Variants in ST6GALNAC5 observed in about 807,000 individuals in gnomAD.
ST6GALNAC5 encodes the protein alpha-N-acetylgalactosaminide alpha-2,6-sialyltransferase 5.
Under a neutral mutation model 33.6 loss-of-function variants are expected in ST6GALNAC5, and 27 were observed. That is an observed-to-expected ratio of 0.80 (90% CI 0.59 to 1.11). The LOEUF is 1.11. ST6GALNAC5 is among the 50% of genes least tolerant of loss of function. The pLI is 0.00. For missense variants in ST6GALNAC5, 428 were observed against 454.0 expected (o/e 0.94, Z 0.52); for synonymous variants, 194 against 171.2 (o/e 1.13, Z -1.04).
intron 2 of ST6GALNAC5, among the ~76,000 whole-genome samples, chr1:76,878,277 T>C (rs1447627978): frequency 1.3e-5 from 2 of 152,154 alleles, no homozygotes; most frequent in Non-Finnish European, 2.9e-5. Flanking sequence ...GGAGCCAATG[T>C]AGGGGTTCTG....
chr1:76,889,117 AT>A (rs1306444837), intron 2 of ST6GALNAC5, among the ~76,000 whole-genome samples: 1 of 151,992 alleles, frequency 6.6e-6, no homozygotes, highest in Non-Finnish European at 1.5e-5. Flanking sequence ...TATGAGTTCA[AT>A]TTTTTTAGAT....
chr1:76,906,075 T>C (rs912597391), intron 2 of ST6GALNAC5, among the ~76,000 whole-genome samples: 5 of 152,182 alleles, frequency 3.3e-5, no homozygotes, highest in Non-Finnish European at 7.3e-5. Flanking sequence ...AAAGCCATAA[T>C]GAACCCTCCC....
At chr1:77,041,984 C>G (rs898592375) in intron 2 of ST6GALNAC5, among the ~76,000 whole-genome samples, 4 of 152,190 alleles carry the variant, frequency 2.6e-5, no homozygotes, top group Non-Finnish European at 5.9e-5. Flanking sequence ...TTCTACTGCA[C>G]TGTGTTGGCA....
intron 2 of ST6GALNAC5, among the ~76,000 whole-genome samples, chr1:76,939,936 C>A (rs1647292538): frequency 6.6e-6 from 1 of 152,068 alleles, no homozygotes; most frequent in Admixed American, 6.6e-5. Context: ...ATTTCCTTAT[C>A]TTTAAAACCG....
chr1:77,000,700 T>G (rs1004275864), intron 2 of ST6GALNAC5, among the ~76,000 whole-genome samples: 4 of 150,644 alleles, frequency 2.7e-5, no homozygotes, highest in African/African-American at 4.9e-5. Context: ...AGTTTCAGCT[T>G]TGTACATATG....
At chr1:76,973,884 C>T (rs1263498925) in intron 2 of ST6GALNAC5, among the ~76,000 whole-genome samples, 10 of 137,006 alleles carry the variant, frequency 7.3e-5, no homozygotes, top group African/African-American at 3.0e-4. Context: ...ATTTAGATAT[C>T]TTTCCAAGTT....
At chr1:76,971,401 T>G (rs968100680) in intron 2 of ST6GALNAC5, among the ~76,000 whole-genome samples, 1 of 152,122 alleles carries the variant, frequency 6.6e-6, no homozygotes, top group Non-Finnish European at 1.5e-5. Context: ...GATATTGATT[T>G]CACGGAGGAT....
At chr1:76,969,222 T>A (rs1204015800) in intron 2 of ST6GALNAC5, among the ~76,000 whole-genome samples, 2 of 152,224 alleles carry the variant, frequency 1.3e-5, no homozygotes, top group Non-Finnish European at 2.9e-5. Context: ...GTGCATTGTC[T>A]GAACCAGGAA....
At chr1:76,888,289 G>A (rs945627075) in intron 2 of ST6GALNAC5, among the ~76,000 whole-genome samples, 1 of 152,048 alleles carries the variant, frequency 6.6e-6, no homozygotes, top group African/African-American at 2.4e-5. Context: ...CTCGGATGGG[G>A]CCTAACAGTC....
intron 2 of ST6GALNAC5, among the ~76,000 whole-genome samples, chr1:76,932,743 C>G (rs921981617): frequency 1.3e-5 from 2 of 152,092 alleles, no homozygotes; most frequent in African/African-American, 4.8e-5. Context: ...TGCACACATG[C>G]AGACTTTGCT....
intron 2 of ST6GALNAC5, among the ~76,000 whole-genome samples, chr1:76,988,124 A>G (rs1312763075): frequency 6.6e-6 from 1 of 152,014 alleles, no homozygotes; most frequent in Non-Finnish European, 1.5e-5. Flanking sequence ...CTTTGTCATC[A>G]AGCTCTGAGA....
chr1:76,924,289 A>G (rs1175722558), intron 2 of ST6GALNAC5, among the ~76,000 whole-genome samples: 2 of 152,226 alleles, frequency 1.3e-5, no homozygotes, highest in Non-Finnish European at 1.5e-5. Flanking sequence ...CTCTGAAAGT[A>G]TCTAGAGATC....
chr1:76,930,755 T>C (rs2100309357), intron 2 of ST6GALNAC5, among the ~76,000 whole-genome samples: 1 of 152,280 alleles, frequency 6.6e-6, no homozygotes, highest in East Asian at 1.9e-4. Context: ...AAGAGCATTG[T>C]CAGCAGCCAT....
chr1:77,031,682 G>T (rs1651461604), intron 2 of ST6GALNAC5, among the ~76,000 whole-genome samples: 1 of 152,152 alleles, frequency 6.6e-6, no homozygotes, highest in African/African-American at 2.4e-5. Flanking sequence ...TGTAAAAATA[G>T]AATGGAAACC....
At chr1:76,895,350 TA>T (rs1259945262) in intron 2 of ST6GALNAC5, among the ~76,000 whole-genome samples, 2 of 151,920 alleles carry the variant, frequency 1.3e-5, no homozygotes, top group East Asian at 1.9e-4. Flanking sequence ...CAAGTGGGAT[TA>T]GGGGCGGCGT....
chr1:76,976,964 G>T (rs549947023), intron 2 of ST6GALNAC5, among the ~76,000 whole-genome samples: 1 of 152,268 alleles, frequency 6.6e-6, no homozygotes, highest in African/African-American at 2.4e-5. Flanking sequence ...GATTTAGTAG[G>T]TCTGAGTTGG....
At chr1:76,992,876 C>A (rs1252088574) in intron 2 of ST6GALNAC5, among the ~76,000 whole-genome samples, 1 of 152,202 alleles carries the variant, frequency 6.6e-6, no homozygotes, top group Non-Finnish European at 1.5e-5. Flanking sequence ...ACAGTATGCA[C>A]ACACTTGCAT....
intron 2 of ST6GALNAC5, among the ~76,000 whole-genome samples, chr1:77,020,405 T>C (rs551898881): frequency 2.7e-4 from 41 of 152,254 alleles, no homozygotes; most frequent in African/African-American, 9.1e-4. Context: ...TGTTTGTTTG[T>C]TGGGGAGTGT....
intron 2 of ST6GALNAC5, among the ~76,000 whole-genome samples, chr1:76,947,847 G>A (rs1647585021): frequency 6.6e-6 from 1 of 152,136 alleles, no homozygotes; most frequent in Admixed American, 6.6e-5. Flanking sequence ...ATCCTATGCT[G>A]ACACACTCAT....
Sources: allele counts gnomAD v4.1 joint callset (sites outside exome capture counted in the v4.1 genomes callset), GRCh38; gene constraint gnomAD v4.1.1; transcripts MANE v1.5; gene names NCBI Gene and HGNC (gene_info 2026-07-23, HGNC 2026-07-21).